The following CCBE1 variants were observed in gnomAD, a reference collection of about 807,000 sequenced individuals.
The protein encoded by CCBE1 is collagen and calcium-binding EGF domain-containing protein 1.
Under a neutral mutation model 50.0 loss-of-function variants are expected in CCBE1, and 37 were observed. The ratio of observed to expected loss-of-function variants is 0.74; its 90% CI spans 0.57 to 0.97. The LOEUF (loss-of-function observed/expected upper bound fraction) is 0.97. CCBE1 is among the 50% of genes least tolerant of loss of function. The pLI is 0.00. For missense variants in CCBE1, 538 were observed against 523.8 expected (o/e 1.03, Z -0.26); for synonymous variants, 234 against 203.7 (o/e 1.15, Z -1.27).
Position 59,435,549 on chromosome 18 carries a change from T to C in CCBE1, c.*359A>G. 1 of 322,122 alleles carries C rather than the reference T, an allele frequency of 3.1e-6. No individual in the cohort carries two copies. 20.0% of individuals were successfully genotyped at this position (322,122 alleles called of 1,614,324 possible). The stretch of plus-strand genomic sequence containing the variant: ...AGAGCTCACTTTGTCATTTTCCCCC[T>C]TTTGATACTCTGCCAAATTTAACTT... On this transcript the variant is annotated 3_prime_UTR_variant, in exon 11 of 11. Coordinates refer to ENST00000439986, the MANE Select transcript of CCBE1 (RefSeq NM_133459.4).
chr18:59,565,333 G>A (rs1219032581), intron 2 of CCBE1, among the ~76,000 whole-genome samples: 1 of 152,212 alleles, frequency 6.6e-6, no homozygotes, highest in Non-Finnish European at 1.5e-5. Flanking sequence ...ACAGGACTGG[G>A]GATCAAGGTC....
intron 2 of CCBE1, among the ~76,000 whole-genome samples, chr18:59,511,193 C>T (rs376165988): frequency 1.3e-5 from 2 of 152,356 alleles, no homozygotes; most frequent in South Asian, 2.1e-4. Flanking sequence ...TATACCCTAA[C>T]TGGTGCCTAA....
Position 59,665,761 on chromosome 18 carries a change from A to G in CCBE1, c.212+30868T>C, listed in dbSNP as rs139473765. Among the ~76,000 whole-genome samples the G allele has an allele frequency of 2.8e-4, 42 of 152,292 alleles. 1 individual carries two copies. In the East Asian group the frequency reaches 7.3e-3, roughly 27 times the overall value. Reference sequence around the variant, plus strand: ...TCTTCCTGGGTAAGCATTTCCCACTAAAAAGCACACTGCTCACCAAGAGCA... The same window carrying G: ...TCTTCCTGGGTAAGCATTTCCCACTGAAAAGCACACTGCTCACCAAGAGCA... On this transcript the variant is annotated intron_variant, in intron 2 of 10. Transcript: ENST00000439986.
chr18:59,651,408 T>C (rs1036724729), intron 2 of CCBE1, among the ~76,000 whole-genome samples: 32 of 152,232 alleles, frequency 2.1e-4, no homozygotes, highest in Non-Finnish European at 4.3e-4. Context: ...GGACAGGTTT[T>C]TAAACGAGAC....
At chr18:59,561,196 C>T (rs2052731838) in intron 2 of CCBE1, among the ~76,000 whole-genome samples, 1 of 152,182 alleles carries the variant, frequency 6.6e-6, no homozygotes, top group Non-Finnish European at 1.5e-5. Flanking sequence ...GGCAGTTTAT[C>T]AAAGCTCATG....
intron 2 of CCBE1, among the ~76,000 whole-genome samples, chr18:59,483,715 A>G (rs1425059940): frequency 6.6e-6 from 1 of 152,202 alleles, no homozygotes; most frequent in East Asian, 1.9e-4. Context: ...ACTCCACTTC[A>G]TTCCTCTCCC....
intron 10 of CCBE1, among the ~76,000 whole-genome samples, chr18:59,437,296 C>T (rs1003549004): frequency 1.6e-4 from 25 of 152,306 alleles, no homozygotes; most frequent in Admixed American, 3.9e-4. Flanking sequence ...GCTACAGCAG[C>T]GGGCACCGTG....
intron 2 of CCBE1, among the ~76,000 whole-genome samples, chr18:59,513,330 TCAAGAAAGGG>T (rs1914218725): frequency 1.3e-5 from 2 of 151,188 alleles, no homozygotes; most frequent in South Asian, 4.2e-4. Flanking sequence ...ACAAAAAAAT[TCAAGAAAGGG>T]CACAGGTGCA....
intron 2 of CCBE1, among the ~76,000 whole-genome samples, chr18:59,544,131 C>G (rs537501430): frequency 1.3e-5 from 2 of 152,242 alleles, no homozygotes; most frequent in South Asian, 2.1e-4. Flanking sequence ...AAATATCTAT[C>G]AGAAGATAAC....
Position 59,453,739 on chromosome 18 carries a change from G to T in CCBE1, c.654+1112C>A, listed in dbSNP as rs184912762. Among the ~76,000 whole-genome samples, 36 of 152,168 alleles carry T rather than the reference G, an allele frequency of 2.4e-4. 1 individual carries two copies. The highest frequency in any genetic ancestry group is 2.2e-4 in the Non-Finnish European group (15 of 68,030). On this transcript the variant is annotated intron_variant, in intron 6 of 10. Transcript: ENST00000439986. ...ACCTCTCTGATGTGCTAAGAGCCTT[G>T]ACTGGAAGCCGTTAAACAAACAAAA...
intron 10 of CCBE1, among the ~76,000 whole-genome samples, chr18:59,436,472 T>G (rs568074917): frequency 3.9e-5 from 6 of 152,320 alleles, no homozygotes; most frequent in African/African-American, 1.4e-4. Context: ...AGAGCAGTGG[T>G]TAAGAGACTG....
At chr18:59,651,532 T>C (rs2054128128) in intron 2 of CCBE1, among the ~76,000 whole-genome samples, 1 of 152,234 alleles carries the variant, frequency 6.6e-6, no homozygotes, top group Non-Finnish European at 1.5e-5. Flanking sequence ...CACTATTAGT[T>C]TCCTTCTGAG....
chr18:59,658,321 TAAAAAAAAA>T (rs1157998930), intron 2 of CCBE1, among the ~76,000 whole-genome samples: 128 of 6,422 alleles, frequency 0.02, 13 homozygotes, highest in African/African-American at 0.061. Context: ...ACCCTGTCTC[TAAAAAAAAA>T]AAAAAAAAAA....
chr18:59,632,891 G>T (rs2053867974), intron 2 of CCBE1, among the ~76,000 whole-genome samples: 1 of 152,134 alleles, frequency 6.6e-6, no homozygotes, highest in Non-Finnish European at 1.5e-5. Flanking sequence ...TTACAGGTGT[G>T]AGCCACCGCG....
At chr18:59,467,755 G>A (rs571691939) in intron 4 of CCBE1, among the ~76,000 whole-genome samples, 5 of 152,296 alleles carry the variant, frequency 3.3e-5, no homozygotes, top group African/African-American at 4.8e-5. Flanking sequence ...CATGTGCTGC[G>A]TAGACACAGG....
intron 2 of CCBE1, among the ~76,000 whole-genome samples, chr18:59,692,058 C>T (rs1373924067): frequency 2.6e-5 from 4 of 152,162 alleles, no homozygotes; most frequent in Non-Finnish European, 5.9e-5. Flanking sequence ...CACTAGGTTT[C>T]TGGGCTCTCC....
chr18:59,457,897 C>A (rs1911270461), intron 5 of CCBE1, among the ~76,000 whole-genome samples: 1 of 152,200 alleles, frequency 6.6e-6, no homozygotes, highest in Non-Finnish European at 1.5e-5. Context: ...AATTTCCATG[C>A]AATAATATAC....
intron 2 of CCBE1, among the ~76,000 whole-genome samples, chr18:59,516,151 G>A (rs985632743): frequency 3.3e-5 from 5 of 151,920 alleles, no homozygotes; most frequent in Admixed American, 2.0e-4. Flanking sequence ...TAGAGATGGG[G>A]TCTTGCCATG....
chr18:59,691,903 T>TC (rs1315085282), intron 2 of CCBE1, among the ~76,000 whole-genome samples: 2 of 152,150 alleles, frequency 1.3e-5, no homozygotes, highest in Admixed American at 6.5e-5. Flanking sequence ...GTAAGACCCT[T>TC]CATAATCCTG....
Sources: gnomAD v4.1 joint callset for allele counts (sites outside exome capture counted in the v4.1 genomes callset) on GRCh38, gnomAD v4.1.1 for gene constraint, MANE v1.5 for transcripts, NCBI Gene and HGNC (gene_info 2026-07-23, HGNC 2026-07-21) for gene names.